The following GSN variants were observed in gnomAD, a reference collection of about 807,000 sequenced individuals.
GSN encodes the protein actin-depolymerizing factor.
In GSN, 56 loss-of-function variants were observed where a neutral mutation model predicts 85.7. The observed-to-expected ratio is 0.65, with a 90% CI of 0.53 to 0.82. The LOEUF (loss-of-function observed/expected upper bound fraction) is 0.82, where lower values mean the gene tolerates loss of function less well. GSN is among the 40% of genes least tolerant of loss of function. GSN has a pLI of 0.00. For synonymous variants in GSN, 373 were observed against 399.1 expected, an observed-to-expected ratio of 0.93 and a Z score of 0.78; for missense variants, 857 against 979.8, an observed-to-expected ratio of 0.87 and a Z score of 1.67.
At position 121,332,457 on chromosome 9, in the gene GSN, C is replaced by A; in HGVS notation, c.2050C>A (p.Pro684Thr). ...TSAKRYIETD[P>T]ANRDRRTPIT... ...AGCTAAGCGGTACATCGAGACGGAC[C>A]CAGCCAATCGGGATCGGCGGACGCC... Residue 684 changes from proline (P) to threonine (T), a missense_variant, in exon 18 of 18, where the codon CCA becomes ACA. Pro to Thr is a conservative substitution (Grantham distance 38). Transcript: ENST00000432226. The surrounding 1 kb of genome is among the most constrained non-coding windows in gnomAD (Gnocchi z 4.8). 1.9e-6 allele frequency: 3 copies of A among 1,614,116 alleles called. No individual in the cohort carries two copies. The highest frequency in any genetic ancestry group is 2.5e-6 in the Non-Finnish European group (3 of 1,179,982).
At chr9:121,217,186 A>T (rs956046658) in intron 4 of GSN, among the ~76,000 whole-genome samples, 1 of 151,938 alleles carries the variant, frequency 6.6e-6, no homozygotes, top group African/African-American at 2.4e-5. Context: ...ACATGGTGAA[A>T]CCCTGTTTCT....
intron 6 of GSN, among the ~76,000 whole-genome samples, chr9:121,260,779 A>G (rs1285751737): frequency 6.6e-6 from 1 of 152,222 alleles, no homozygotes; most frequent in Admixed American, 6.5e-5. Context: ...ACTTCACAGC[A>G]AAGTCTGCTA....
chr9:121,207,120 G>C (rs1439884454), upstream of GSN, among the ~76,000 whole-genome samples: 1 of 152,200 alleles, frequency 6.6e-6, no homozygotes, highest in Non-Finnish European at 1.5e-5. Flanking sequence ...AATAATGCGA[G>C]TTAAAAGCAT....
At chr9:121,281,725 T>C (rs965237076) in intron 2 of GSN, 163 bp downstream of exon 2, 3 of 471,020 alleles carry the variant, frequency 6.4e-6, no homozygotes, top group Admixed American at 2.3e-5. Flanking sequence ...GCGTCTCTGC[T>C]CCTTTCCTGT....
At chr9:121,206,097 T>A (rs543821778), upstream of GSN, among the ~76,000 whole-genome samples, 21 of 152,196 alleles carry the variant, frequency 1.4e-4, no homozygotes, top group Middle Eastern at 3.4e-3. Context: ...GTATTGAAGA[T>A]TTAGAAGAAC....
chr9:121,238,981 G>T, intron 5 of GSN: 1 of 525,802 alleles, frequency 1.9e-6, no homozygotes, highest in Non-Finnish European at 3.9e-6. Context: ...ATTGATAGGT[G>T]GGTAAATCTC....
chr9:121,237,027 C>G (rs2054508955), intron 5 of GSN, among the ~76,000 whole-genome samples: 1 of 152,192 alleles, frequency 6.6e-6, no homozygotes, highest in African/African-American at 2.4e-5. Flanking sequence ...AGCAACCACT[C>G]TATTAATGAT....
chr9:121,253,591 T>C (rs2054885743), intron 6 of GSN, among the ~76,000 whole-genome samples: 1 of 152,204 alleles, frequency 6.6e-6, no homozygotes, highest in Non-Finnish European at 1.5e-5. Flanking sequence ...AGTGGGCATC[T>C]CTCCAGCTTG....
At chr9:121,204,073 T>C (rs2053845779), upstream of GSN, among the ~76,000 whole-genome samples, 2 of 152,216 alleles carry the variant, frequency 1.3e-5, no homozygotes. Context: ...AGTTTCCTTA[T>C]AGCCATTATC....
chr9:121,307,912 G>A (rs1269754105), intron 4 of GSN, among the ~76,000 whole-genome samples: 1 of 152,166 alleles, frequency 6.6e-6, no homozygotes. Flanking sequence ...TTTGCACTCT[G>A]CCTGGCTCTC....
chr9:121,315,134 T>C (rs1230761351), intron 7 of GSN, among the ~76,000 whole-genome samples: 2 of 152,204 alleles, frequency 1.3e-5, no homozygotes, highest in Non-Finnish European at 2.9e-5. Context: ...GTGCTGGGAT[T>C]ACAGACCTGA....
At chr9:121,293,087 G>A (rs1277253118) in intron 2 of GSN, among the ~76,000 whole-genome samples, 1 of 152,220 alleles carries the variant, frequency 6.6e-6, no homozygotes, top group Admixed American at 6.5e-5. Context: ...CAGCAGGAGG[G>A]ATGTGGCACC....
At chr9:121,218,691 T>C (rs2054113296) in intron 4 of GSN, among the ~76,000 whole-genome samples, 1 of 152,058 alleles carries the variant, frequency 6.6e-6, no homozygotes, top group South Asian at 2.1e-4. Flanking sequence ...AAAAAGACCA[T>C]TGGTTACAGG....
At chr9:121,291,342 G>A (rs1308708105) in intron 2 of GSN, among the ~76,000 whole-genome samples, 1 of 151,924 alleles carries the variant, frequency 6.6e-6, no homozygotes, top group African/African-American at 2.4e-5. Flanking sequence ...TGGTATCTGA[G>A]GGAGGTCCTG....
chr9:121,241,798 A>G (rs2054610655), intron 5 of GSN, among the ~76,000 whole-genome samples: 1 of 152,224 alleles, frequency 6.6e-6, no homozygotes, highest in African/African-American at 2.4e-5. Flanking sequence ...GAGAGAAAAA[A>G]GCTAATGCAA....
At chr9:121,228,367 A>C (rs1460214245) in intron 4 of GSN, among the ~76,000 whole-genome samples, 1 of 147,496 alleles carries the variant, frequency 6.8e-6, no homozygotes, top group Non-Finnish European at 1.5e-5. Flanking sequence ...TGTGCTAGAC[A>C]CATAGACACA....
intron 1 of GSN, among the ~76,000 whole-genome samples, chr9:121,270,295 A>T (rs1160092923): frequency 6.6e-6 from 1 of 152,230 alleles, no homozygotes; most frequent in Non-Finnish European, 1.5e-5. Flanking sequence ...TGAAGAGCTG[A>T]GAAAGGGTTT....
chr9:121,202,125 G>T, the GSN span, among the ~76,000 whole-genome samples: 103 of 152,240 alleles, frequency 6.8e-4, no homozygotes, highest in African/African-American at 2.2e-3. Flanking sequence ...CTCGCCTCTT[G>T]GGGGAGCTAC....
chr9:121,252,640 G>C (rs768983977), intron 6 of GSN, among the ~76,000 whole-genome samples: 2 of 152,182 alleles, frequency 1.3e-5, no homozygotes, highest in Non-Finnish European at 2.9e-5. Flanking sequence ...CTGCCTCACT[G>C]TAATGAACAA....
Sources: gnomAD v4.1 joint callset for allele counts (sites outside exome capture counted in the v4.1 genomes callset) on GRCh38, gnomAD v4.1.1 for gene constraint, Gnocchi (gnomAD v3.1) non-coding constraint, MANE v1.5 for transcripts, NCBI Gene and HGNC (gene_info 2026-07-23, HGNC 2026-07-21) for gene names.